Variants in DPP6 observed in about 807,000 individuals in gnomAD.
The protein encoded by DPP6 is A-type potassium channel modulatory protein DPP6.
In DPP6, 69 loss-of-function variants were observed where a neutral mutation model predicts 122.6. The observed-to-expected ratio is 0.56, with a 90% CI of 0.46 to 0.69. The LOEUF (loss-of-function observed/expected upper bound fraction) is 0.69, where lower values mean the gene tolerates loss of function less well. DPP6 is among the 30% of genes least tolerant of loss of function. The pLI is 0.00. For missense variants in DPP6, 928 were observed against 1,116.9 expected (o/e 0.83, Z 2.41); for synonymous variants, 418 against 433.1 (o/e 0.97, Z 0.43).
intron 16 of DPP6, among the ~76,000 whole-genome samples, chr7:154,818,350 G>A (rs186291956): frequency 1.8e-4 from 27 of 152,302 alleles, no homozygotes; most frequent in Admixed American, 1.6e-3. Flanking sequence ...TCCTTCCAGA[G>A]TGGCTCAGGG....
intron 1 of DPP6, among the ~76,000 whole-genome samples, chr7:154,243,622 C>T (rs137938795): frequency 0.13 from 19,682 of 151,856 alleles, 1,577 homozygotes; most frequent in Non-Finnish European, 0.18. Context: ...ACTGAAACCC[C>T]GTCTCTACTA....
At chr7:154,102,492 C>G (rs1208736515) in intron 1 of DPP6, among the ~76,000 whole-genome samples, 2 of 152,114 alleles carry the variant, frequency 1.3e-5, no homozygotes, top group Non-Finnish European at 2.9e-5. Flanking sequence ...CCCAGCCAAG[C>G]CCCTTTTTAG....
At chr7:154,228,862 T>A (rs940136302) in intron 1 of DPP6, among the ~76,000 whole-genome samples, 4 of 152,168 alleles carry the variant, frequency 2.6e-5, no homozygotes, top group African/African-American at 9.7e-5. Context: ...ATGTAACCTT[T>A]TTTACATTAT....
intron 1 of DPP6, among the ~76,000 whole-genome samples, chr7:154,204,793 G>T (rs1799352006): frequency 6.6e-6 from 1 of 151,952 alleles, no homozygotes; most frequent in South Asian, 2.1e-4. Context: ...TTGTGTGTGT[G>T]TGTGTCTGTA....
At chr7:154,640,467 C>CGT (rs3079843) in intron 6 of DPP6, among the ~76,000 whole-genome samples, 44,928 of 152,004 alleles carry the variant, frequency 0.3, 6,658 homozygotes, top group African/African-American at 0.34. Flanking sequence ...CTGAACACAG[C>CGT]GCCCCTGAAG....
intron 1 of DPP6, among the ~76,000 whole-genome samples, chr7:154,191,999 A>G (rs1376102854): frequency 1.3e-5 from 2 of 152,216 alleles, no homozygotes; most frequent in African/African-American, 2.4e-5. Flanking sequence ...AACCACACAC[A>G]AGACAAACAT....
chr7:154,055,384 A>T (rs1375266269), intron 1 of DPP6, among the ~76,000 whole-genome samples: 3 of 149,170 alleles, frequency 2.0e-5, no homozygotes, highest in East Asian at 3.9e-4. Context: ...ATTTACTAAA[A>T]GATAGATGAA....
At chr7:154,786,061 G>A (rs1797315160) in intron 10 of DPP6, among the ~76,000 whole-genome samples, 1 of 152,012 alleles carries the variant, frequency 6.6e-6, no homozygotes. Context: ...TCCCCACAGT[G>A]CTCCCTCATG....
At chr7:154,107,143 A>C (rs1806223071) in intron 1 of DPP6, among the ~76,000 whole-genome samples, 1 of 152,166 alleles carries the variant, frequency 6.6e-6, no homozygotes, top group African/African-American at 2.4e-5. Context: ...TCCCATGCTC[A>C]CTGCAGCACT....
chr7:154,144,695 T>C (rs1240124014), intron 1 of DPP6, among the ~76,000 whole-genome samples: 1 of 152,120 alleles, frequency 6.6e-6, no homozygotes, highest in Non-Finnish European at 1.5e-5. Context: ...CCAGTCTGAC[T>C]GTATTTGAAG....
chr7:154,583,161 C>T (rs563765222), intron 5 of DPP6, among the ~76,000 whole-genome samples: 40 of 152,342 alleles, frequency 2.6e-4, no homozygotes, highest in Middle Eastern at 6.8e-3. Flanking sequence ...TTTTAGGCTG[C>T]CTGGGCTGCC....
intron 1 of DPP6, among the ~76,000 whole-genome samples, chr7:153,954,068 A>G (rs1278447868): frequency 2.0e-5 from 3 of 152,158 alleles, no homozygotes; most frequent in Non-Finnish European, 1.5e-5. Flanking sequence ...TCAGCTAATT[A>G]CAGATCTCCA....
chr7:154,698,016 A>G (rs1840312400), intron 7 of DPP6, among the ~76,000 whole-genome samples: 1 of 152,224 alleles, frequency 6.6e-6, no homozygotes, highest in Admixed American at 6.5e-5. Flanking sequence ...AATACAGAAT[A>G]TAGTAAAAAA....
chr7:153,952,978 TAGA>T (rs1431706490), intron 1 of DPP6, among the ~76,000 whole-genome samples: 2 of 152,164 alleles, frequency 1.3e-5, no homozygotes, highest in Non-Finnish European at 2.9e-5. Context: ...AAACCTTTCC[TAGA>T]AGAATTTTAT....
intron 4 of DPP6, among the ~76,000 whole-genome samples, chr7:154,550,622 C>T (rs943709276): frequency 6.6e-6 from 1 of 151,982 alleles, no homozygotes; most frequent in Non-Finnish European, 1.5e-5. Context: ...TATGAATGCT[C>T]ATTTATTTAT....
chr7:153,846,465 G>T, the DPP6 span, among the ~76,000 whole-genome samples: 1 of 151,950 alleles, frequency 6.6e-6, no homozygotes, highest in Admixed American at 6.6e-5. Context: ...TTACATTGAT[G>T]AATTCAACTT....
At chr7:154,322,855 A>G (rs558250962) in intron 1 of DPP6, among the ~76,000 whole-genome samples, 17 of 152,328 alleles carry the variant, frequency 1.1e-4, no homozygotes, top group Admixed American at 1.0e-3. Flanking sequence ...GCCTGCTTCA[A>G]TGCCTGTACT....
chr7:154,337,692 A>G (rs560791356), intron 1 of DPP6, among the ~76,000 whole-genome samples: 28 of 152,346 alleles, frequency 1.8e-4, no homozygotes, highest in African/African-American at 6.5e-4. Flanking sequence ...TCAGGAAGGC[A>G]TTCCAGGAAA....
intron 1 of DPP6, among the ~76,000 whole-genome samples, chr7:154,440,523 C>A (rs1478539038): frequency 6.6e-6 from 1 of 152,146 alleles, no homozygotes; most frequent in Admixed American, 6.5e-5. Flanking sequence ...CTCCAGCCAG[C>A]ATTGTGAATC....
Sources: gnomAD v4.1 joint callset for allele counts (sites outside exome capture counted in the v4.1 genomes callset) on GRCh38, gnomAD v4.1.1 for gene constraint, MANE v1.5 for transcripts, NCBI Gene and HGNC (gene_info 2026-07-23, HGNC 2026-07-21) for gene names.